The following NRG3 variants were observed in gnomAD, a reference collection of about 807,000 sequenced individuals.
NRG3 encodes the protein neuregulin 3.
In NRG3, 31 loss-of-function variants were observed where a neutral mutation model predicts 66.9. That is an observed-to-expected ratio of 0.46 (90% CI 0.35 to 0.63). NRG3 has a LOEUF of 0.63. NRG3 is among the 20% of genes least tolerant of loss of function. NRG3 has a pLI of 0.00. For missense variants in NRG3, 910 were observed against 878.9 expected, an observed-to-expected ratio of 1.04 and a Z score of -0.45; for synonymous variants, 393 against 359.4, an observed-to-expected ratio of 1.09 and a Z score of -1.06.
At chr10:82,700,700 A>G (rs2134286026) in intron 2 of NRG3, among the ~76,000 whole-genome samples, 1 of 152,202 alleles carries the variant, frequency 6.6e-6, no homozygotes, top group East Asian at 1.9e-4. Context: ...CAGGCAGAGC[A>G]TTTATGCTTT....
At chr10:82,359,519 G>T (rs762308139) in intron 2 of NRG3, among the ~76,000 whole-genome samples, 1 of 152,114 alleles carries the variant, frequency 6.6e-6, no homozygotes, top group African/African-American at 2.4e-5. Flanking sequence ...GAGACATAAG[G>T]TTATGTAACT....
chr10:82,751,955 ATGCTGGATTTGGT>A (rs1342249965), intron 3 of NRG3, among the ~76,000 whole-genome samples: 1 of 129,316 alleles, frequency 7.7e-6, no homozygotes, highest in Non-Finnish European at 1.5e-5. Context: ...GAGGACAAAT[ATGCTGGATTTGGT>A]TACCACTACA....
At chr10:82,917,949 ATTGT>A (rs1846008178) in intron 4 of NRG3, among the ~76,000 whole-genome samples, 1 of 84,422 alleles carries the variant, frequency 1.2e-5, no homozygotes, top group Non-Finnish European at 2.3e-5. Context: ...TGTATGTGGG[ATTGT>A]GTGTGTGTGT....
At chr10:82,184,323 C>T (rs1183343622) in intron 1 of NRG3, among the ~76,000 whole-genome samples, 2 of 152,106 alleles carry the variant, frequency 1.3e-5, no homozygotes, top group East Asian at 1.9e-4. Context: ...AAGTTGTACA[C>T]ATCCTTCCAT....
At chr10:82,241,722 A>G (rs2077014416) in intron 1 of NRG3, among the ~76,000 whole-genome samples, 1 of 152,200 alleles carries the variant, frequency 6.6e-6, no homozygotes. Flanking sequence ...ATATTAAGTA[A>G]TGGAGGTTAA....
At chr10:82,798,632 T>A (rs999712091) in intron 3 of NRG3, among the ~76,000 whole-genome samples, 7 of 152,188 alleles carry the variant, frequency 4.6e-5, no homozygotes, top group Non-Finnish European at 7.3e-5. Context: ...AAAGAAAATT[T>A]TATAATTTAT....
In NRG3 at chr10:82,979,554, C is replaced by A. The variant is rs149059692; in HGVS notation, c.1583+434C>A. 1.9e-3 allele frequency among the ~76,000 whole-genome samples: 284 copies of A among 152,154 alleles called. 2 individuals carry two copies. The highest frequency in any genetic ancestry group is 6.4e-3 in the African/African-American group (266 of 41,522). ...ACGTACAGTATCTGCTTCCCCTGAG[C>A]TTGAATGTAGAATTTGGGTCAATGT... is the stretch of plus-strand genomic sequence containing the variant. On this transcript the variant is annotated intron_variant, in intron 8 of 8. Coordinates refer to ENST00000372141, the MANE Select transcript of NRG3 (RefSeq NM_001010848.4).
intron 2 of NRG3, among the ~76,000 whole-genome samples, chr10:82,670,362 A>G (rs1159002959): frequency 1.3e-5 from 2 of 152,224 alleles, no homozygotes; most frequent in Non-Finnish European, 2.9e-5. Flanking sequence ...CGGCATAAAC[A>G]CACACAAACT....
rs34802482 is a variant in NRG3, at chr10:82,960,463, ATTT to A, written c.1284+1405_1284+1407del. ...CTTCTATTTGTACGGAAATGGCTGG[ATTT>A]TTTTTTTTTTTTTTTTGAGAAAGAA... On this transcript the variant is annotated intron_variant, in intron 6 of 8. Transcript: ENST00000372141. Among the ~76,000 whole-genome samples, 587 of 137,298 alleles carry A rather than the reference ATTT, an allele frequency of 4.3e-3. 2 individuals are homozygous for A. The highest frequency in any genetic ancestry group is 0.015 in the African/African-American group (548 of 37,456). 90.1% of individuals were successfully genotyped at this position (137,298 alleles called of 152,430 possible). A position where few individuals can be genotyped will look rare whatever the true frequency, so the allele number is the denominator to read the frequency against.
chr10:82,315,506 A>G (rs1486063437), intron 1 of NRG3, among the ~76,000 whole-genome samples: 1 of 148,178 alleles, frequency 6.7e-6, no homozygotes, highest in African/African-American at 2.5e-5. Context: ...GCAGGAAATT[A>G]GAAGGCAGTG....
intron 1 of NRG3, among the ~76,000 whole-genome samples, chr10:82,223,635 C>G (rs1453049593): frequency 1.7e-5 from 2 of 119,188 alleles, no homozygotes; most frequent in African/African-American, 6.6e-5. Context: ...TTCCAGCAAC[C>G]ACCCCAAACA....
intron 2 of NRG3, among the ~76,000 whole-genome samples, chr10:82,679,057 A>C (rs578105458): frequency 1.3e-5 from 2 of 152,302 alleles, no homozygotes; most frequent in African/African-American, 4.8e-5. Context: ...GCTGTATTAA[A>C]TGTCTTGAGT....
At chr10:82,945,539 G>A (rs780889060) in intron 4 of NRG3, among the ~76,000 whole-genome samples, 5 of 152,218 alleles carry the variant, frequency 3.3e-5, no homozygotes, top group Non-Finnish European at 5.9e-5. Flanking sequence ...GGTGAGGGCA[G>A]TTCTATGGCA....
chr10:81,896,235 G>A (rs555279181), intron 1 of NRG3, among the ~76,000 whole-genome samples: 5 of 152,038 alleles, frequency 3.3e-5, no homozygotes, highest in Non-Finnish European at 5.9e-5. Context: ...CTCCGGAAGC[G>A]TGGGATGCTC....
At chr10:82,103,946 G>C (rs1005185412) in intron 1 of NRG3, among the ~76,000 whole-genome samples, 2 of 149,482 alleles carry the variant, frequency 1.3e-5, no homozygotes, top group Non-Finnish European at 1.5e-5. Flanking sequence ...CTTTCCCAGC[G>C]ATCTACTAGA....
intron 1 of NRG3, among the ~76,000 whole-genome samples, chr10:82,148,363 C>T (rs1298395986): frequency 6.6e-6 from 1 of 152,040 alleles, no homozygotes; most frequent in East Asian, 1.9e-4. Context: ...AATAAAATAT[C>T]ACTCATATTT....
intron 1 of NRG3, among the ~76,000 whole-genome samples, chr10:82,076,819 C>A (rs910807084): frequency 6.6e-6 from 1 of 152,206 alleles, no homozygotes; most frequent in African/African-American, 2.4e-5. Context: ...AACCGTCAGT[C>A]AAGCAAACCT....
intron 7 of NRG3, among the ~76,000 whole-genome samples, chr10:82,975,936 C>T (rs1287060547): frequency 6.6e-6 from 1 of 152,134 alleles, no homozygotes; most frequent in South Asian, 2.1e-4. Flanking sequence ...GCTATTAATT[C>T]AAAGCCATTA....
At chr10:81,997,987 C>A (rs1206148018) in intron 1 of NRG3, among the ~76,000 whole-genome samples, 1 of 151,794 alleles carries the variant, frequency 6.6e-6, no homozygotes, top group Non-Finnish European at 1.5e-5. Context: ...CTGAGCAGGT[C>A]TGGGTGATTT....
Sources: gnomAD v4.1 joint callset for allele counts (sites outside exome capture counted in the v4.1 genomes callset) on GRCh38, gnomAD v4.1.1 for gene constraint, MANE v1.5 for transcripts, NCBI Gene and HGNC (gene_info 2026-07-23, HGNC 2026-07-21) for gene names.